PDE4DIP: variants seen among roughly 807,000 people sequenced by gnomAD.
The protein encoded by PDE4DIP is phosphodiesterase 4D interacting protein.
A neutral mutation model predicts 221.4 loss-of-function variants in PDE4DIP; 59 were observed. The ratio of observed to expected loss-of-function variants is 0.27; its 90% CI spans 0.22 to 0.33. The LOEUF (loss-of-function observed/expected upper bound fraction) is 0.33, where lower values mean the gene tolerates loss of function less well. Ranked by LOEUF, PDE4DIP falls within the 10% of genes least tolerant of loss-of-function variation. The pLI is 1.00. For missense variants in PDE4DIP, 1,036 were observed against 2,154.2 expected (o/e 0.48, Z 10.28); for synonymous variants, 404 against 815.9 (o/e 0.50, Z 8.60).
chr1:148,983,805 A>G (rs1253999616), intron 21 of PDE4DIP: 3 of 152,480 alleles, frequency 2.0e-5, no homozygotes, highest in African/African-American at 7.2e-5. Flanking sequence ...ATAGTCTTCA[A>G]ATAAAAATAA....
At chr1:148,912,150 T>C (rs1227477960) in intron 1 of PDE4DIP, among the ~76,000 whole-genome samples, 1 of 145,664 alleles carries the variant, frequency 6.9e-6, no homozygotes, top group Non-Finnish European at 1.5e-5. Context: ...ACATGACAGT[T>C]ACCAGTGCAG....
chr1:149,003,608 A>C lies in PDE4DIP; in HGVS notation c.3767-3A>C. 1 of 1,610,300 alleles carries C rather than the reference A, an allele frequency of 6.2e-7. No homozygotes were observed. Among genetic ancestry groups the C allele is most frequent in the Non-Finnish European group, 8.5e-7 (1 of 1,177,986 alleles). ...TTCTGTAACACCTGCTTCTCTTCCCAAGCAGGTGAATCCTTGGTGAAGCAG... is the reference window on the plus strand; with the variant it reads ...TTCTGTAACACCTGCTTCTCTTCCCCAGCAGGTGAATCCTTGGTGAAGCAG... On this transcript the variant is annotated splice_polypyrimidine_tract_variant and splice_region_variant and intron_variant, in intron 25 of 43. Transcript: ENST00000369354.
At chr1:148,962,723 C>T (rs1315496535) in intron 9 of PDE4DIP, 83 bp downstream of exon 12, 1 of 436,562 alleles carries the variant, frequency 2.3e-6, no homozygotes, top group Non-Finnish European at 4.1e-6. Context: ...GTGTTGAACC[C>T]TTGAGTCAGT....
chr1:148,953,905 G>A, intron 5 of PDE4DIP: 1 of 1,610,964 alleles, frequency 6.2e-7, no homozygotes. Flanking sequence ...TCCGGGTCCA[G>A]GTATACAAAA....
At chr1:148,951,613 G>A (rs2053270756) in intron 5 of PDE4DIP, among the ~76,000 whole-genome samples, 1 of 151,874 alleles carries the variant, frequency 6.6e-6, no homozygotes, top group African/African-American at 2.4e-5. Context: ...TCTACCTGAG[G>A]GAAAGGGACT....
exon 34 of PDE4DIP, chr1:149,017,837 G>A (rs1265539811): frequency 5.6e-6 from 9 of 1,613,538 alleles, no homozygotes; most frequent in South Asian, 1.1e-5. Flanking sequence ...CCGCCTACGG[G>A]AGCAACTGGA....
chr1:148,918,895 C>T (rs587640376), intron 1 of PDE4DIP, among the ~76,000 whole-genome samples: 2 of 83,428 alleles, frequency 2.4e-5, no homozygotes, highest in East Asian at 5.8e-4. Flanking sequence ...GAAACTTTTC[C>T]ACTTGGTTTT....
intron 21 of PDE4DIP, chr1:148,983,730 A>G (rs781888235): frequency 6.6e-6 from 1 of 152,492 alleles, no homozygotes; most frequent in Non-Finnish European, 1.5e-5. Flanking sequence ...TTTGACAGTC[A>G]TTTTTCAATG....
intron 37 of PDE4DIP, among the ~76,000 whole-genome samples, chr1:149,021,977 A>G (rs1553620031): frequency 2.0e-5 from 3 of 148,156 alleles, no homozygotes. Context: ...GGACGACATC[A>G]ATGTCGTGAA....
At chr1:148,958,117 CACA>C (rs2055854594) in intron 5 of PDE4DIP, among the ~76,000 whole-genome samples, 1 of 125,430 alleles carries the variant, frequency 8.0e-6, no homozygotes, top group Non-Finnish European at 1.7e-5. Context: ...CTGTTATACT[CACA>C]ACAACAAATA....
chr1:149,020,858 G>A (rs1699812), intron 36 of PDE4DIP, 171 bp from the exon 40 acceptor site: 8 of 577,764 alleles, frequency 1.4e-5, no homozygotes, highest in East Asian at 2.8e-5. Flanking sequence ...CCATATCTGC[G>A]AAATAAAAGT....
At chr1:148,955,705 T>C (rs2055104087) in intron 5 of PDE4DIP, among the ~76,000 whole-genome samples, 1 of 152,004 alleles carries the variant, frequency 6.6e-6, no homozygotes, top group Non-Finnish European at 1.5e-5. Flanking sequence ...AGAGATTATG[T>C]GAAAAAAATT....
chr1:149,005,464 T>C, intron 27 of PDE4DIP, 27 bp downstream of exon 30: 4 of 1,426,564 alleles, frequency 2.8e-6, no homozygotes, highest in East Asian at 2.3e-5. Flanking sequence ...TTGGGTACTT[T>C]CTTGATTGAA....
chr1:148,907,323 C>T lies in PDE4DIP; in HGVS notation c.141+17429C>T, dbSNP rs3099177. Among the ~76,000 whole-genome samples the T allele has an allele frequency of 1.2e-3, 156 of 130,816 alleles. No homozygotes were observed. The Middle Eastern group carries it at 0.029, about 24-fold the overall frequency. 85.8% of individuals were successfully genotyped at this position (130,816 alleles called of 152,430 possible). ...AGTATTGGGATGTGAGGTACCATTC[C>T]GTTCATTGTGCTTTTTGTTGCCTGT... On this transcript the variant is annotated intron_variant, in intron 1 of 43. Coordinates refer to ENST00000369354, the Ensembl canonical transcript of PDE4DIP.
At chr1:148,927,892 C>A (rs1553466766) in intron 1 of PDE4DIP, among the ~76,000 whole-genome samples, 3 of 150,926 alleles carry the variant, frequency 2.0e-5, no homozygotes, top group Non-Finnish European at 1.5e-5. Flanking sequence ...TGCATTCCCA[C>A]TGACATGCTG....
chr1:148,940,752 C>T (rs1260585059), intron 5 of PDE4DIP, among the ~76,000 whole-genome samples: 2 of 147,790 alleles, frequency 1.4e-5, no homozygotes, highest in African/African-American at 5.0e-5. Flanking sequence ...TAGCATATTT[C>T]CTTGTTTCTC....
chr1:148,971,624 T>C (rs1281673194), intron 14 of PDE4DIP, among the ~76,000 whole-genome samples: 1 of 151,354 alleles, frequency 6.6e-6, no homozygotes, highest in Non-Finnish European at 1.5e-5. Flanking sequence ...AAATTTCAAG[T>C]AAATAATACA....
chr1:148,976,570 G>A (rs2060212623), intron 17 of PDE4DIP, among the ~76,000 whole-genome samples: 1 of 152,106 alleles, frequency 6.6e-6, no homozygotes, highest in African/African-American at 2.4e-5. Context: ...GGCTAGTGCT[G>A]GGGATGAGGT....
intron 1 of PDE4DIP, among the ~76,000 whole-genome samples, chr1:148,824,006 C>CT (rs1670006820): frequency 6.8e-6 from 1 of 147,814 alleles, no homozygotes; most frequent in South Asian, 2.1e-4. Context: ...AGCTGGGTCT[C>CT]TAACTCCACA....
Sources: allele counts gnomAD v4.1 joint callset (sites outside exome capture counted in the v4.1 genomes callset), GRCh38; gene constraint gnomAD v4.1.1; transcripts MANE v1.5; gene names NCBI Gene and HGNC (gene_info 2026-07-23, HGNC 2026-07-21).